TMEM196: variants seen among roughly 807,000 people sequenced by gnomAD.
The protein encoded by TMEM196 is transmembrane protein 196.
Under a neutral mutation model 20.0 loss-of-function variants are expected in TMEM196, and 17 were observed. That is an observed-to-expected ratio of 0.85 (90% CI 0.58 to 1.27). The LOEUF is 1.27. TMEM196 is among the 50% of genes most tolerant of loss of function. The pLI, the probability that TMEM196 is intolerant of heterozygous loss-of-function variation, is 0.00. For missense variants in TMEM196, 267 were observed against 223.0 expected (o/e 1.20, Z -1.26); for synonymous variants, 113 against 88.9 (o/e 1.27, Z -1.52).
chr7:19,732,193 G>T (rs569198596), intron 1 of TMEM196, among the ~76,000 whole-genome samples: 113 of 152,310 alleles, frequency 7.4e-4, no homozygotes, highest in Middle Eastern at 3.4e-3. Flanking sequence ...GAGAGGTCCA[G>T]AGAGTTAGTG....
chr7:19,745,926 A>G (rs1204219215), intron 1 of TMEM196, among the ~76,000 whole-genome samples: 1 of 151,876 alleles, frequency 6.6e-6, no homozygotes, highest in African/African-American at 2.4e-5. Flanking sequence ...AAATCAAATA[A>G]CTCAGAGGAC....
rs1785957090 is a variant in TMEM196 at position 19,773,054 on chromosome 7, G to T, written c.-358C>A. ...CTCCCCAGGCGCTGTCCAGAGTTCT[G>T]CCGCGTCCCAAATCTCCGCAGGGAA... is the stretch of plus-strand genomic sequence containing the variant. On this transcript the variant is annotated 5_prime_UTR_variant, in exon 1 of 5. Coordinates refer to ENST00000405844, the MANE Select transcript of TMEM196 (RefSeq NM_001363562.2). 1 of 183,290 alleles carries T rather than the reference G, an allele frequency of 5.5e-6. No homozygotes were observed. Among genetic ancestry groups the T allele is most frequent in the Non-Finnish European group, 1.1e-5 (1 of 88,806 alleles). The allele number at this position is 183,290 out of a possible 1,614,324, so 11.4% of individuals were successfully genotyped here.
At chr7:19,768,478 T>C (rs1258853478) in intron 1 of TMEM196, among the ~76,000 whole-genome samples, 4 of 152,142 alleles carry the variant, frequency 2.6e-5, no homozygotes, top group Non-Finnish European at 5.9e-5. Context: ...TTATAGATGA[T>C]GCACTGGAGG....
intron 1 of TMEM196, among the ~76,000 whole-genome samples, chr7:19,739,968 T>G (rs1784531299): frequency 6.6e-6 from 1 of 152,200 alleles, no homozygotes; most frequent in Non-Finnish European, 1.5e-5. Flanking sequence ...TGTGTGTGTG[T>G]GTGTGCACAC....
intron 1 of TMEM196, among the ~76,000 whole-genome samples, chr7:19,736,374 T>TAA (rs1784405953): frequency 2.0e-5 from 1 of 51,084 alleles, no homozygotes; most frequent in Non-Finnish European, 3.4e-5. Context: ...TATATATATA[T>TAA]ATATATATAT....
At chr7:19,724,584 A>G (rs1025677661) in intron 3 of TMEM196, among the ~76,000 whole-genome samples, 23 of 152,206 alleles carry the variant, frequency 1.5e-4, no homozygotes, top group African/African-American at 5.3e-4. Flanking sequence ...TCTTGAGTCA[A>G]TTTGAGAACA....
chr7:19,756,771 C>T (rs1785235990), intron 1 of TMEM196, among the ~76,000 whole-genome samples: 1 of 152,126 alleles, frequency 6.6e-6, no homozygotes, highest in Admixed American at 6.5e-5. Flanking sequence ...CTGCAAAAGA[C>T]CTGATCTTAT....
At chr7:19,727,747 C>T (rs1396204789) in intron 2 of TMEM196, among the ~76,000 whole-genome samples, 1 of 152,068 alleles carries the variant, frequency 6.6e-6, no homozygotes, top group Non-Finnish European at 1.5e-5. Flanking sequence ...TACAGGAAAG[C>T]CCATGTCTTT....
chr7:19,749,825 G>T (rs1784894997), intron 1 of TMEM196, among the ~76,000 whole-genome samples: 1 of 152,136 alleles, frequency 6.6e-6, no homozygotes, highest in Admixed American at 6.5e-5. Flanking sequence ...TCAGCCCGCT[G>T]CAGTGGAAAT....
chr7:19,745,744 C>G (rs1784727502), intron 1 of TMEM196, among the ~76,000 whole-genome samples: 2 of 147,680 alleles, frequency 1.4e-5, no homozygotes, highest in Admixed American at 6.9e-5. Context: ...TTGGAGGCAC[C>G]CAGTGAGCCA....
At position 19,722,069 on chromosome 7, in the gene TMEM196, C is replaced by T; in HGVS notation, c.*59G>A. On this transcript the variant is annotated 3_prime_UTR_variant, in exon 5 of 5. Coordinates refer to ENST00000405844, the MANE Select transcript of TMEM196 (RefSeq NM_001363562.2). The stretch of plus-strand genomic sequence containing the variant: ...CTAAAAAGTGTTCAATTCTTTAAAA[C>T]ATTGATTACACTCTTCCATTAAATA... The T allele has an allele frequency of 6.2e-7, 1 of 1,606,902 alleles. No homozygotes were observed. The highest frequency in any genetic ancestry group is 8.5e-7 in the Non-Finnish European group (1 of 1,175,936).
chr7:19,742,820 C>T (rs1020594733), intron 1 of TMEM196, among the ~76,000 whole-genome samples: 3 of 152,078 alleles, frequency 2.0e-5, no homozygotes, highest in South Asian at 2.1e-4. Context: ...ATGTAAGAGT[C>T]CTGAAGGGAG....
At chr7:19,770,093 T>A (rs1036664423) in intron 1 of TMEM196, among the ~76,000 whole-genome samples, 1 of 152,222 alleles carries the variant, frequency 6.6e-6, no homozygotes, top group Non-Finnish European at 1.5e-5. Flanking sequence ...CTGCAGTACA[T>A]TGATTCTAAG....
At chr7:19,751,265 T>C (rs1562621203) in intron 1 of TMEM196, among the ~76,000 whole-genome samples, 1 of 152,210 alleles carries the variant, frequency 6.6e-6, no homozygotes, top group South Asian at 2.1e-4. Flanking sequence ...AGCTGCTAGT[T>C]TCTGAAGCAC....
chr7:19,728,627 G>C (rs998619318), intron 2 of TMEM196, among the ~76,000 whole-genome samples: 11 of 152,044 alleles, frequency 7.2e-5, no homozygotes, highest in African/African-American at 2.7e-4. Context: ...GTACTTCCTA[G>C]GGTCCCTGTG....
At chr7:19,757,964 A>G (rs891392268) in intron 1 of TMEM196, among the ~76,000 whole-genome samples, 111 of 137,104 alleles carry the variant, frequency 8.1e-4, no homozygotes, top group African/African-American at 2.9e-3. Context: ...TTATATATAT[A>G]CTTTTTTTTT....
intron 1 of TMEM196, among the ~76,000 whole-genome samples, chr7:19,748,585 C>T (rs973512794): frequency 6.6e-6 from 1 of 152,122 alleles, no homozygotes; most frequent in Non-Finnish European, 1.5e-5. Context: ...TGTCATGCTC[C>T]GTCTGATGAT....
chr7:19,734,586 G>A (rs1784332338), intron 1 of TMEM196, among the ~76,000 whole-genome samples: 1 of 152,152 alleles, frequency 6.6e-6, no homozygotes, highest in Admixed American at 6.5e-5. Context: ...AAAGAGACAG[G>A]GAGAAGAAAT....
At chr7:19,730,405 A>C (rs1784162858) in intron 1 of TMEM196, among the ~76,000 whole-genome samples, 1 of 152,258 alleles carries the variant, frequency 6.6e-6, no homozygotes, top group African/African-American at 2.4e-5. Context: ...TATTTTAGTA[A>C]TCATAAAATG....
Sources: gnomAD v4.1 joint callset for allele counts (sites outside exome capture counted in the v4.1 genomes callset) on GRCh38, gnomAD v4.1.1 for gene constraint, MANE v1.5 for transcripts, NCBI Gene and HGNC (gene_info 2026-07-23, HGNC 2026-07-21) for gene names.